Variants in METTL21A observed in about 807,000 individuals in gnomAD.
METTL21A encodes protein N-lysine methyltransferase METTL21A.
A neutral mutation model predicts 20.9 loss-of-function variants in METTL21A; 22 were observed. That is an observed-to-expected ratio of 1.05 (90% CI 0.75 to 1.50). The LOEUF is 1.50. Among genes scored for constraint, METTL21A ranks in the 40% most tolerant of loss-of-function variants. METTL21A has a pLI of 0.00. For synonymous variants in METTL21A, 93 were observed against 102.0 expected, an observed-to-expected ratio of 0.91 and a Z score of 0.53; for missense variants, 271 against 266.8, an observed-to-expected ratio of 1.02 and a Z score of -0.11.
downstream of METTL21A, among the ~76,000 whole-genome samples, chr2:207,604,609 A>G (rs551604546): frequency 4.6e-5 from 7 of 152,348 alleles, no homozygotes; most frequent in South Asian, 1.4e-3. Flanking sequence ...TTAAGATGCA[A>G]TTCACATAAA....
chr2:207,587,560 A>G (rs1386571427), intron 3 of METTL21A, among the ~76,000 whole-genome samples: 1 of 152,182 alleles, frequency 6.6e-6, no homozygotes, highest in Non-Finnish European at 1.5e-5. Flanking sequence ...CAACATATGA[A>G]TGGATAAAGA....
At chr2:207,597,832 T>G (rs1158682027) in intron 3 of METTL21A, 2 of 193,470 alleles carry the variant, frequency 1.0e-5, no homozygotes, top group Non-Finnish European at 2.2e-5. Context: ...TAAAGCAAAG[T>G]AAATAAAAGT....
At chr2:207,620,743 A>AACC in intron 3 of METTL21A, 1 of 1,518,382 alleles carries the variant, frequency 6.6e-7, no homozygotes. Context: ...ACAGACTTTC[A>AACC]ACCACCACCC....
chr2:207,609,543 A>G (rs2088621386), downstream of METTL21A: 1 of 152,226 alleles, frequency 6.6e-6, no homozygotes, highest in African/African-American at 2.4e-5. Context: ...CTTACACTCT[A>G]CAGGGCAATA....
Position 207,595,589 on chromosome 2 carries a change from T to C in METTL21A, c.260-13429A>G, listed in dbSNP as rs1335120409. On this transcript the variant is annotated intron_variant, in intron 3 of 3. Coordinates refer to the METTL21A transcript ENST00000425132. Reference sequence around the variant, plus strand: ...CTAACTAATTTTTAATTGAGACAGGTTCTTGGTTTGTCACCCAGGTTGGAA... The same window carrying C: ...CTAACTAATTTTTAATTGAGACAGGCTCTTGGTTTGTCACCCAGGTTGGAA... Among the ~76,000 whole-genome samples the C allele has an allele frequency of 2.6e-5, 4 of 151,762 alleles. No homozygotes were observed. In the South Asian group the frequency reaches 6.2e-4, roughly 24 times the overall value.
chr2:207,599,004 ATTTTAAAATAAGATTT>A (rs2086628848), intron 3 of METTL21A: 1 of 185,260 alleles, frequency 5.4e-6, no homozygotes, highest in Admixed American at 6.2e-5. Flanking sequence ...TGCTGGATCC[ATTTTAAAATAAGATTT>A]TAATTAACAT....
chr2:207,582,184 A>C (rs2083052375), intron 3 of METTL21A: 1 of 702,888 alleles, frequency 1.4e-6, no homozygotes, highest in East Asian at 2.7e-5. Context: ...TATGAAAGAA[A>C]TTTGTGGTCA....
chr2:207,592,117 C>G (rs955865696), intron 3 of METTL21A, among the ~76,000 whole-genome samples: 2 of 152,124 alleles, frequency 1.3e-5, no homozygotes, highest in South Asian at 2.1e-4. Context: ...GTATAGAATT[C>G]TGGGTTTATC....
rs547038547 is a variant in METTL21A, at chr2:207,597,274, C to T, written c.260-15114G>A. 61 of 455,194 alleles carry T rather than the reference C, an allele frequency of 1.3e-4. No individual in the cohort carries two copies. In the South Asian group the frequency reaches 1.6e-3, roughly 12 times the overall value. The allele number at this position is 455,194 out of a possible 1,614,324, so 28.2% of individuals were successfully genotyped here. On this transcript the variant is annotated intron_variant, in intron 3 of 3. Transcript: ENST00000425132. ...ACTTCTCCCCTCAAGAAATTTTCAA[C>T]GCCAGGAATCATGAAGAGACTTCTG...
chr2:207,585,779 C>G (rs1478043426), intron 3 of METTL21A, among the ~76,000 whole-genome samples: 1 of 151,972 alleles, frequency 6.6e-6, no homozygotes, highest in Non-Finnish European at 1.5e-5. Context: ...AAAAAACAGT[C>G]GAGCAGAAAG....
At chr2:207,620,714 G>A in intron 3 of METTL21A, 1 of 1,531,168 alleles carries the variant, frequency 6.5e-7, no homozygotes, top group African/African-American at 1.4e-5. Flanking sequence ...AAGACGGACG[G>A]AAACCTCTGT....
chr2:207,581,604 T>A (rs893029515), downstream of METTL21A: 8 of 341,592 alleles, frequency 2.3e-5, no homozygotes, highest in African/African-American at 4.2e-5. Flanking sequence ...TATACATTTT[T>A]AATATATTTT....
At chr2:207,618,853 G>A (rs1168980179) in intron 3 of METTL21A, among the ~76,000 whole-genome samples, 2 of 152,194 alleles carry the variant, frequency 1.3e-5, no homozygotes, top group Non-Finnish European at 2.9e-5. Context: ...GGTGAGGGGG[G>A]ACTGCTACAG....
At chr2:207,613,759 G>A (rs1177059037) in intron 3 of METTL21A, among the ~76,000 whole-genome samples, 1 of 152,196 alleles carries the variant, frequency 6.6e-6, no homozygotes, top group Non-Finnish European at 1.5e-5. Flanking sequence ...CAAAGCGGGT[G>A]GATCACCTGA....
chr2:207,604,514 C>G (rs2087730961), downstream of METTL21A, among the ~76,000 whole-genome samples: 1 of 152,068 alleles, frequency 6.6e-6, no homozygotes, highest in South Asian at 2.1e-4. Flanking sequence ...AGTGACCAAA[C>G]CGGATGAGAA....
chr2:207,597,138 A>C, intron 3 of METTL21A: 1 of 1,434,536 alleles, frequency 7.0e-7, no homozygotes, highest in Non-Finnish European at 9.3e-7. Flanking sequence ...TAAACATTTT[A>C]TTTTCTAAAC....
At chr2:207,620,618 C>A (rs1305310767) in intron 3 of METTL21A, 13 of 1,493,344 alleles carry the variant, frequency 8.7e-6, no homozygotes, top group Non-Finnish European at 1.2e-5. Context: ...ACCTAACATA[C>A]ACGGGAATGT....
At chr2:207,613,394 T>C (rs577264252) in exon 4 of METTL21A, 2 of 1,607,278 alleles carry the variant, frequency 1.2e-6, no homozygotes, top group Non-Finnish European at 1.7e-6. Flanking sequence ...GAACGTTTGA[T>C]TTAAGAAATT....
intron 3 of METTL21A, 67 bp downstream of exon 3, chr2:207,621,739 C>CT: frequency 2.1e-6 from 3 of 1,404,506 alleles, no homozygotes; most frequent in Non-Finnish European, 3.0e-6. Flanking sequence ...GGGTTTTGCG[C>CT]TAAGAAAACA....
Sources: allele counts gnomAD v4.1 joint callset (sites outside exome capture counted in the v4.1 genomes callset), GRCh38; gene constraint gnomAD v4.1.1; transcripts MANE v1.5; gene names NCBI Gene and HGNC (gene_info 2026-07-23, HGNC 2026-07-21).